Variants in PARD3B observed in about 807,000 individuals in gnomAD.
The protein encoded by PARD3B is partitioning defective 3 homolog B.
PARD3B carries 103 observed loss-of-function variants against 130.2 expected under a neutral mutation model. The ratio of observed to expected loss-of-function variants is 0.79; its 90% CI spans 0.67 to 0.93. The LOEUF (loss-of-function observed/expected upper bound fraction) is 0.93, where lower values mean the gene tolerates loss of function less well. Among genes scored for constraint, PARD3B ranks in the 40% least tolerant of loss-of-function variants. The pLI, the probability that PARD3B is intolerant of heterozygous loss-of-function variation, is 0.00. For synonymous variants in PARD3B, 583 were observed against 553.2 expected, an observed-to-expected ratio of 1.05 and a Z score of -0.76; for missense variants, 1,609 against 1,499.2, an observed-to-expected ratio of 1.07 and a Z score of -1.21.
intron 3 of PARD3B, among the ~76,000 whole-genome samples, chr2:205,004,922 ACT>A (rs1200434227): frequency 1.3e-5 from 2 of 151,718 alleles, no homozygotes; most frequent in African/African-American, 2.4e-5. Context: ...CCTCTCTCAT[ACT>A]CTGTTTCTTG....
chr2:205,091,914 T>G lies in PARD3B; in HGVS notation c.505-12512T>G, dbSNP rs1230847983. Reference sequence around the variant, plus strand: ...AAAGGGGACCCTCAATAAGGACTTGTGAACTGAATGATTCCTGTTTTGCTA... The same window carrying G: ...AAAGGGGACCCTCAATAAGGACTTGGGAACTGAATGATTCCTGTTTTGCTA... On this transcript the variant is annotated intron_variant, in intron 4 of 22. Transcript: ENST00000406610. The surrounding 1 kb of genome is among the most constrained non-coding windows in gnomAD (Gnocchi z 4.2). Among the ~76,000 whole-genome samples, 1 of 152,188 alleles carries G rather than the reference T, an allele frequency of 6.6e-6. No individual in the cohort carries two copies. The highest frequency in any genetic ancestry group is 1.5e-5 in the Non-Finnish European group (1 of 68,024).
chr2:205,310,299 G>A (rs566143080), intron 18 of PARD3B, among the ~76,000 whole-genome samples: 3 of 151,828 alleles, frequency 2.0e-5, no homozygotes, highest in Non-Finnish European at 2.9e-5. Flanking sequence ...ATGTTAGCCA[G>A]GATGGTCTCG....
In PARD3B at chr2:205,519,079, TA is replaced by T. The variant is rs2050918541; in HGVS notation, c.3180+19049del. Among the ~76,000 whole-genome samples the T allele has an allele frequency of 2.6e-5, 4 of 152,212 alleles. No homozygotes were observed. In the South Asian group the frequency reaches 8.3e-4, roughly 32 times the overall value. ...TTGTGTGTCTTGGGGATGATTTTCTTATGTAGAATCTTGCAGGAGTTATCTG... is the reference window on the plus strand; with the variant it reads ...TTGTGTGTCTTGGGGATGATTTTCTTTGTAGAATCTTGCAGGAGTTATCTG... On this transcript the variant is annotated intron_variant, in intron 21 of 22. Coordinates refer to ENST00000406610, the MANE Select transcript of PARD3B (RefSeq NM_001302769.2).
At chr2:204,993,942 T>A (rs1187951222) in intron 3 of PARD3B, among the ~76,000 whole-genome samples, 1 of 152,014 alleles carries the variant, frequency 6.6e-6, no homozygotes, top group Non-Finnish European at 1.5e-5. Context: ...TTATCATTTT[T>A]TATTGCATCT....
At chr2:204,827,675 C>G (rs1162693204) in intron 2 of PARD3B, among the ~76,000 whole-genome samples, 1 of 152,088 alleles carries the variant, frequency 6.6e-6, no homozygotes, top group Admixed American at 6.5e-5. Context: ...TGCTTTTGCT[C>G]GAAAATCTGT....
chr2:205,190,014 G>A (rs1171414648), intron 14 of PARD3B, among the ~76,000 whole-genome samples: 1 of 152,144 alleles, frequency 6.6e-6, no homozygotes, highest in Admixed American at 6.6e-5. Flanking sequence ...GTACATAAGA[G>A]CATTTGTTAC....
At chr2:205,380,399 ATT>A (rs1190934965) in intron 18 of PARD3B, among the ~76,000 whole-genome samples, 2 of 41,682 alleles carry the variant, frequency 4.8e-5, no homozygotes, top group African/African-American at 1.0e-4. Flanking sequence ...AAGAATATAT[ATT>A]ATATATAATA....
intron 18 of PARD3B, among the ~76,000 whole-genome samples, chr2:205,334,505 T>C (rs2043241767): frequency 6.6e-6 from 1 of 152,148 alleles, no homozygotes; most frequent in Non-Finnish European, 1.5e-5. Flanking sequence ...TGACACTAAT[T>C]GTAACCAAAA....
At chr2:204,715,370 G>A (rs73984281) in intron 2 of PARD3B, among the ~76,000 whole-genome samples, 6,588 of 151,950 alleles carry the variant, frequency 0.043, 497 homozygotes, top group African/African-American at 0.15. Flanking sequence ...TGTAGTGGGT[G>A]GATTCTTTTT....
intron 19 of PARD3B, among the ~76,000 whole-genome samples, chr2:205,411,553 A>G (rs2046598944): frequency 6.6e-6 from 1 of 152,162 alleles, no homozygotes; most frequent in African/African-American, 2.4e-5. Flanking sequence ...GGTTCAGTCT[A>G]GGTGCTGACT....
At chr2:205,452,958 G>A (rs1575062322) in intron 20 of PARD3B, among the ~76,000 whole-genome samples, 1 of 152,282 alleles carries the variant, frequency 6.6e-6, no homozygotes, top group East Asian at 1.9e-4. Flanking sequence ...TTTAAGCATT[G>A]ACCGGGATGC....
chr2:205,125,870 A>G lies in PARD3B; in HGVS notation c.1434+133A>G. On this transcript the variant is annotated intron_variant, in intron 10 of 22. Transcript: ENST00000406610. This position sits in a 1 kb window ranked among gnomAD's most constrained non-coding sequence, Gnocchi z 4.0. ...ACCAAAATTGAATCACACTCAGGGT[A>G]TTTTACCCCATTTGGGGTATCGCAT... 2 of 1,223,008 alleles carry G rather than the reference A, an allele frequency of 1.6e-6. No individual in the cohort carries two copies. Among genetic ancestry groups the G allele is most frequent in the East Asian group, 2.4e-5 (1 of 41,864 alleles). 75.8% of individuals were successfully genotyped at this position (1,223,008 alleles called of 1,614,324 possible).
chr2:205,047,105 C>A (rs1460366459), intron 3 of PARD3B, among the ~76,000 whole-genome samples: 1 of 152,090 alleles, frequency 6.6e-6, no homozygotes, highest in African/African-American at 2.4e-5. Flanking sequence ...AATGTTGTAA[C>A]CCCAGCAAAT....
intron 22 of PARD3B, among the ~76,000 whole-genome samples, chr2:205,567,962 G>A (rs142940852): frequency 1.6e-4 from 24 of 152,282 alleles, no homozygotes; most frequent in African/African-American, 5.5e-4. Context: ...CCACCTGGGG[G>A]CAAGCATGTT....
At position 205,291,344 on chromosome 2, in the gene PARD3B, C is replaced by G. The variant is rs978455806; in HGVS notation, c.2186-9186C>G. 6.6e-6 allele frequency among the ~76,000 whole-genome samples: 1 copy of G among 152,118 alleles called. No homozygotes were observed. On this transcript the variant is annotated intron_variant, in intron 16 of 22. Coordinates refer to ENST00000406610, the MANE Select transcript of PARD3B (RefSeq NM_001302769.2). This position sits in a 1 kb window ranked among gnomAD's most constrained non-coding sequence, Gnocchi z 4.6. ...GATCTCTGAGTCTTCTTAGATGATA[C>G]CCACATAATCTTGAATAGAACGTTG...
intron 21 of PARD3B, among the ~76,000 whole-genome samples, chr2:205,505,175 G>A (rs1196977314): frequency 2.0e-5 from 3 of 151,762 alleles, no homozygotes; most frequent in Admixed American, 6.6e-5. Flanking sequence ...TCACCCGTAG[G>A]TGGGAATTGA....
At chr2:204,635,141 G>A (rs930454862) in intron 1 of PARD3B, among the ~76,000 whole-genome samples, 5 of 152,148 alleles carry the variant, frequency 3.3e-5, no homozygotes, top group Non-Finnish European at 7.3e-5. Flanking sequence ...TTAGCCAGTG[G>A]AAGCCTCTTC....
chr2:204,691,806 C>T (rs1240250742), intron 2 of PARD3B, among the ~76,000 whole-genome samples: 2 of 147,360 alleles, frequency 1.4e-5, no homozygotes, highest in Non-Finnish European at 2.9e-5. Context: ...GCTTTTTAAA[C>T]AAAACTGATA....
intron 19 of PARD3B, among the ~76,000 whole-genome samples, chr2:205,411,304 A>G (rs796137378): frequency 2.6e-5 from 4 of 152,264 alleles, no homozygotes; most frequent in African/African-American, 9.6e-5. Flanking sequence ...ACCTAAGGAT[A>G]TGTATTTTGA....
Sources: gnomAD v4.1 joint callset for allele counts (sites outside exome capture counted in the v4.1 genomes callset) on GRCh38, gnomAD v4.1.1 for gene constraint, Gnocchi (gnomAD v3.1) non-coding constraint, MANE v1.5 for transcripts, NCBI Gene and HGNC (gene_info 2026-07-23, HGNC 2026-07-21) for gene names.